Variants in STK39 observed in about 807,000 individuals in gnomAD.
STK39 encodes STE20/SPS1-related proline-alanine-rich protein kinase.
In STK39, 20 loss-of-function variants were observed where a neutral mutation model predicts 77.8. The observed-to-expected ratio is 0.26, with a 90% CI of 0.18 to 0.37. The LOEUF (loss-of-function observed/expected upper bound fraction) is 0.37. Ranked by LOEUF, STK39 falls within the 10% of genes least tolerant of loss-of-function variation. The probability of loss-of-function intolerance (pLI) is 1.00; values close to 1 mark genes in which losing one functional copy is unlikely to be tolerated. For synonymous variants in STK39, 246 were observed against 234.1 expected (o/e 1.05, Z -0.47); for missense variants, 479 against 656.5 (o/e 0.73, Z 2.95).
At chr2:167,962,482 T>C (rs1692011464) in intron 17 of STK39, among the ~76,000 whole-genome samples, 1 of 152,202 alleles carries the variant, frequency 6.6e-6, no homozygotes, top group Admixed American at 6.5e-5. Context: ...AGGTCCCTCC[T>C]GAGTTTGGTT....
intron 16 of STK39, among the ~76,000 whole-genome samples, chr2:167,997,104 C>T (rs1025362161): frequency 2.7e-5 from 4 of 150,778 alleles, no homozygotes; most frequent in African/African-American, 9.8e-5. Flanking sequence ...GTTGTTATTA[C>T]ACTACTTTCC....
Position 168,041,912 on chromosome 2 carries a change from C to T in STK39, c.1376+21588G>A, listed in dbSNP as rs190183915. On this transcript the variant is annotated intron_variant, in intron 14 of 17. Transcript: ENST00000355999. ...ACATTTTTTGCAACAGTAGGTCAAGCTCTCTGCCATGTTATCCAAGGTTCT... is the reference window on the plus strand; with the variant it reads ...ACATTTTTTGCAACAGTAGGTCAAGTTCTCTGCCATGTTATCCAAGGTTCT... 4.2e-3 allele frequency among the ~76,000 whole-genome samples: 640 copies of T among 152,258 alleles called. 2 individuals are homozygous for T. Among genetic ancestry groups the T allele is most frequent in the Admixed American group, 6.7e-3 (103 of 15,296 alleles).
intron 8 of STK39, among the ~76,000 whole-genome samples, chr2:168,136,362 C>T (rs1574493858): frequency 7.5e-6 from 1 of 132,580 alleles, no homozygotes. Flanking sequence ...AGCAAGACTC[C>T]GTCTCAAAAA....
At chr2:168,185,293 C>T (rs1029777517) in intron 1 of STK39, among the ~76,000 whole-genome samples, 17 of 152,168 alleles carry the variant, frequency 1.1e-4, no homozygotes, top group Non-Finnish European at 1.9e-4. Context: ...GGCCTGTATG[C>T]ACATATGCAC....
intron 2 of STK39, among the ~76,000 whole-genome samples, chr2:168,171,250 C>A (rs1001758644): frequency 3.3e-5 from 5 of 152,254 alleles, no homozygotes; most frequent in Admixed American, 3.3e-4. Context: ...GCAGCCACAG[C>A]AGCACCCCTC....
Position 168,090,434 on chromosome 2 carries a change from T to C in STK39, c.1090-15203A>G, listed in dbSNP as rs551235499. 1.3e-3 allele frequency among the ~76,000 whole-genome samples: 204 copies of C among 152,340 alleles called. 1 individual carries two copies. Among genetic ancestry groups the C allele is most frequent in the African/African-American group, 4.5e-3 (188 of 41,586 alleles). On this transcript the variant is annotated intron_variant, in intron 10 of 17. Transcript: ENST00000355999. ...AGAGGGATGTCAGGAGCTAGTGACA[T>C]TGTATCCTAGAACTGCTGAAGGGAT...
At chr2:168,209,358 T>C (rs137939829) in intron 1 of STK39, among the ~76,000 whole-genome samples, 37 of 152,254 alleles carry the variant, frequency 2.4e-4, no homozygotes, top group African/African-American at 8.4e-4. Flanking sequence ...TATATATAAC[T>C]TTGAAACCTT....
At chr2:168,145,848 T>A (rs148902221) in intron 5 of STK39, among the ~76,000 whole-genome samples, 155 of 152,270 alleles carry the variant, frequency 1.0e-3, no homozygotes, top group African/African-American at 3.3e-3. Flanking sequence ...TAAATATAGA[T>A]GAGCATAAGC....
chr2:168,018,585 A>AGAAAGAAAGAAG (rs1684490618), intron 14 of STK39, among the ~76,000 whole-genome samples: 1 of 150,626 alleles, frequency 6.6e-6, no homozygotes, highest in African/African-American at 2.4e-5. Context: ...AAAGAAAGAA[A>AGAAAGAAAGAAG]GAAAGAAAGA....
intron 14 of STK39, among the ~76,000 whole-genome samples, chr2:168,046,497 C>G (rs1685245981): frequency 6.6e-6 from 1 of 152,208 alleles, no homozygotes; most frequent in Admixed American, 6.5e-5. Flanking sequence ...GAAGGGGTCA[C>G]CTGGAAGGTG....
intron 1 of STK39, among the ~76,000 whole-genome samples, chr2:168,188,863 G>T (rs1484154948): frequency 6.6e-6 from 1 of 152,156 alleles, no homozygotes. Context: ...TTATAAAACA[G>T]ACGCTCCTGC....
chr2:168,055,609 A>G (rs1237690814), intron 14 of STK39, among the ~76,000 whole-genome samples: 1 of 152,240 alleles, frequency 6.6e-6, no homozygotes, highest in African/African-American at 2.4e-5. Context: ...CAGCATATCT[A>G]TGTATGGCAA....
intron 15 of STK39, among the ~76,000 whole-genome samples, chr2:168,014,283 C>A (rs1684350931): frequency 6.6e-6 from 1 of 151,988 alleles, no homozygotes; most frequent in Non-Finnish European, 1.5e-5. Flanking sequence ...CCAGGAGTTA[C>A]AGACCAGTCT....
At position 167,965,135 on chromosome 2, in the gene STK39, CAAAAA is replaced by C. The variant is rs796453833; in HGVS notation, c.1499-414_1499-410del. Among the ~76,000 whole-genome samples, 110 of 84,638 alleles carry C rather than the reference CAAAAA, an allele frequency of 1.3e-3. 1 individual carries two copies. The highest frequency in any genetic ancestry group is 6.1e-3 in the African/African-American group (96 of 15,850). 55.5% of individuals were successfully genotyped at this position (84,638 alleles called of 152,430 possible). A position where few individuals can be genotyped will look rare whatever the true frequency, so the allele number is the denominator to read the frequency against. Reference sequence around the variant, plus strand: ...AGAGGTAGTGGGGAGAAAAAAAAAACAAAAAAAAACAAAGGCTTTCTCTGGAAATA... The same window carrying C: ...AGAGGTAGTGGGGAGAAAAAAAAAACAAAACAAAGGCTTTCTCTGGAAATA... On this transcript the variant is annotated intron_variant, in intron 16 of 17. Coordinates refer to ENST00000355999, the MANE Select transcript of STK39 (RefSeq NM_013233.3).
intron 1 of STK39, among the ~76,000 whole-genome samples, chr2:168,208,884 A>G (rs891278526): frequency 2.0e-5 from 3 of 151,734 alleles, no homozygotes; most frequent in Non-Finnish European, 4.4e-5. Flanking sequence ...AGGACAGCTG[A>G]CTTAAGATAT....
chr2:168,247,302 G>GGGGCCC lies in STK39; in HGVS notation c.133_134insGGGCCC (p.Ala44_Pro45insArgAla), dbSNP rs1199299527. ...AGCCTGTGCCGCCGGGGCCGGGGCCGGGGCCGGGGCCGCGGGAGCTGCCGG... is the reference window on the plus strand; with the variant it reads ...AGCCTGTGCCGCCGGGGCCGGGGCCGGGGCCCGGGCCGGGGCCGCGGGAGCTGCCGG... On this transcript the variant is annotated inframe_insertion, in exon 1 of 18. Coordinates refer to ENST00000355999, the MANE Select transcript of STK39 (RefSeq NM_013233.3). 2.9e-6 allele frequency: 3 copies of GGGGCCC among 1,035,256 alleles called. No homozygotes were observed. The highest frequency in any genetic ancestry group is 3.5e-6 in the Non-Finnish European group (3 of 860,154). 64.1% of individuals were successfully genotyped at this position (1,035,256 alleles called of 1,614,324 possible).
rs1690452092 is a variant in STK39 at position 168,231,406 on chromosome 2, A to T, written c.208+15822T>A. Among the ~76,000 whole-genome samples, 3 of 152,030 alleles carry T rather than the reference A, an allele frequency of 2.0e-5. No homozygotes were observed. In the South Asian group the frequency reaches 6.2e-4, roughly 32 times the overall value. The stretch of plus-strand genomic sequence containing the variant: ...GGATTTCCAATTTCTCAGGAGGAAA[A>T]TAACATGACACCAGCACAAGTGTTA... On this transcript the variant is annotated intron_variant, in intron 1 of 17. Coordinates refer to ENST00000355999, the MANE Select transcript of STK39 (RefSeq NM_013233.3).
intron 16 of STK39, among the ~76,000 whole-genome samples, chr2:168,004,528 C>T (rs1022718073): frequency 6.6e-6 from 1 of 151,820 alleles, no homozygotes. Flanking sequence ...GTCAGGAGAT[C>T]GAGACCATTC....
intron 16 of STK39, among the ~76,000 whole-genome samples, chr2:167,994,425 T>G (rs925434158): frequency 4.9e-4 from 74 of 152,264 alleles, no homozygotes; most frequent in Middle Eastern, 3.4e-3. Flanking sequence ...AATTTGTTTT[T>G]TGTGTGTGTG....
Sources: allele counts gnomAD v4.1 joint callset (sites outside exome capture counted in the v4.1 genomes callset), GRCh38; gene constraint gnomAD v4.1.1; transcripts MANE v1.5; gene names NCBI Gene and HGNC (gene_info 2026-07-23, HGNC 2026-07-21).